Variants in RAP1A observed in about 807,000 individuals in gnomAD.
RAP1A encodes the protein ras-related protein Rap-1A.
A neutral mutation model predicts 26.4 loss-of-function variants in RAP1A; 6 were observed. The ratio of observed to expected loss-of-function variants is 0.23; its 90% confidence interval spans 0.12 to 0.45. The LOEUF is 0.45. RAP1A is among the 20% of genes least tolerant of loss of function. RAP1A has a pLI of 0.99. For missense variants in RAP1A, 121 were observed against 217.2 expected (o/e 0.56, Z 2.78); for synonymous variants, 73 against 79.4 (o/e 0.92, Z 0.43).
intron 1 of RAP1A, among the ~76,000 whole-genome samples, chr1:111,624,432 A>G (rs1314445568): frequency 6.6e-6 from 1 of 152,264 alleles, no homozygotes; most frequent in Non-Finnish European, 1.5e-5. Context: ...CTTTTGTAAT[A>G]GTGGTATAGA....
At position 111,626,011 on chromosome 1, in the gene RAP1A, T is replaced by G. The variant is rs140468661; in HGVS notation, c.-28+6077T>G. On this transcript the variant is annotated intron_variant, in intron 1 of 7. Transcript: ENST00000369709. ...TTTAAGTAACCCCAAATTAGGCTCTTTGATGGATACTGAGATGTGAAGGTG... is the reference window on the plus strand; with the variant it reads ...TTTAAGTAACCCCAAATTAGGCTCTGTGATGGATACTGAGATGTGAAGGTG... Among the ~76,000 whole-genome samples the G allele has an allele frequency of 5.3e-4, 81 of 152,276 alleles. 1 individual carries two copies. The East Asian group carries it at 0.014, about 26-fold the overall frequency.
intron 1 of RAP1A, among the ~76,000 whole-genome samples, chr1:111,670,351 G>C (rs537440): frequency 0.12 from 17,959 of 152,034 alleles, 1,391 homozygotes; most frequent in East Asian, 0.21. Context: ...GCATGCACCT[G>C]TAGTCCCAGC....
At chr1:111,683,521 GAATATAAACACCTCTATGCA>G (rs1661371427) in intron 1 of RAP1A, among the ~76,000 whole-genome samples, 1 of 152,030 alleles carries the variant, frequency 6.6e-6, no homozygotes, top group African/African-American at 2.4e-5. Flanking sequence ...TACCACCAGA[GAATATAAACACCTCTATGCA>G]AATAAACTAG....
At chr1:111,634,394 G>T (rs1219980022) in intron 1 of RAP1A, among the ~76,000 whole-genome samples, 1 of 151,632 alleles carries the variant, frequency 6.6e-6, no homozygotes, top group Non-Finnish European at 1.5e-5. Flanking sequence ...GATTACCAGT[G>T]TTTACATAGT....
intron 1 of RAP1A, among the ~76,000 whole-genome samples, chr1:111,600,636 C>T (rs566538570): frequency 7.9e-5 from 12 of 152,192 alleles, no homozygotes; most frequent in African/African-American, 1.9e-4. Flanking sequence ...TAGATGGCCC[C>T]GCACCACCAT....
At chr1:111,679,521 T>TC (rs201377121) in intron 1 of RAP1A, among the ~76,000 whole-genome samples, 18,978 of 151,992 alleles carry the variant, frequency 0.12, 1,489 homozygotes, top group South Asian at 0.17. Context: ...TCTTTTCTTT[T>TC]TTTTTGTACC....
chr1:111,689,555 C>G (rs1661604078), intron 1 of RAP1A, among the ~76,000 whole-genome samples: 2 of 151,970 alleles, frequency 1.3e-5, no homozygotes. Context: ...TTTTCTTCCT[C>G]ATTTTTTTCT....
intron 1 of RAP1A, among the ~76,000 whole-genome samples, chr1:111,588,106 G>A (rs571845680): frequency 6.4e-4 from 97 of 152,216 alleles, no homozygotes; most frequent in African/African-American, 2.2e-3. Flanking sequence ...TCCCCCATAA[G>A]CCTGCTTCTC....
At chr1:111,552,364 T>G (rs964072808) in intron 1 of RAP1A, among the ~76,000 whole-genome samples, 4 of 152,240 alleles carry the variant, frequency 2.6e-5, no homozygotes, top group African/African-American at 4.8e-5. Context: ...GTCACAAGTC[T>G]GTCCCTCCTA....
At chr1:111,696,982 T>G (rs1661852280) in intron 3 of RAP1A, among the ~76,000 whole-genome samples, 1 of 152,184 alleles carries the variant, frequency 6.6e-6, no homozygotes, top group Admixed American at 6.5e-5. Flanking sequence ...TTAGTAAAAT[T>G]TTAACAACTT....
intron 2 of RAP1A, among the ~76,000 whole-genome samples, chr1:111,693,166 G>C (rs1057100971): frequency 6.6e-6 from 1 of 152,262 alleles, no homozygotes; most frequent in African/African-American, 2.4e-5. Context: ...AAAGAGGAAA[G>C]AGATGATCAG....
intron 1 of RAP1A, among the ~76,000 whole-genome samples, chr1:111,627,035 C>T (rs1659422139): frequency 2.6e-5 from 4 of 152,038 alleles, no homozygotes; most frequent in South Asian, 2.1e-4. Flanking sequence ...ATTTCTTATT[C>T]CAAGTAATAT....
intron 1 of RAP1A, among the ~76,000 whole-genome samples, chr1:111,655,783 C>G (rs1214781732): frequency 6.7e-6 from 1 of 149,918 alleles, no homozygotes; most frequent in Non-Finnish European, 1.5e-5. Context: ...ACAGCATTCT[C>G]CCGCCTCAGC....
chr1:111,662,596 G>A (rs975955781), intron 1 of RAP1A, among the ~76,000 whole-genome samples: 4 of 152,084 alleles, frequency 2.6e-5, no homozygotes, highest in African/African-American at 9.7e-5. Context: ...AGAGAGATTT[G>A]ATGCTCTTAT....
chr1:111,623,587 T>A (rs11802134), intron 1 of RAP1A, among the ~76,000 whole-genome samples: 6,654 of 152,094 alleles, frequency 0.044, 288 homozygotes, highest in African/African-American at 0.11. Context: ...TTGTATTTTT[T>A]TTTAGTAGAG....
intron 1 of RAP1A, among the ~76,000 whole-genome samples, chr1:111,558,084 AAG>A (rs1657576048): frequency 6.6e-6 from 1 of 152,200 alleles, no homozygotes; most frequent in Non-Finnish European, 1.5e-5. Context: ...AAGAAATAGA[AAG>A]TGCACATTTA....
intron 1 of RAP1A, among the ~76,000 whole-genome samples, chr1:111,635,221 A>G (rs895430484): frequency 3.3e-5 from 5 of 151,936 alleles, no homozygotes; most frequent in African/African-American, 7.3e-5. Context: ...TGCCTTGGAA[A>G]CCTTTTGATT....
At chr1:111,643,820 A>G (rs1425942080) in intron 1 of RAP1A, among the ~76,000 whole-genome samples, 1 of 152,208 alleles carries the variant, frequency 6.6e-6, no homozygotes, top group Non-Finnish European at 1.5e-5. Flanking sequence ...TACCATACAC[A>G]CACATGCATA....
chr1:111,543,935 T>C (rs1656942069), intron 1 of RAP1A, among the ~76,000 whole-genome samples: 1 of 152,204 alleles, frequency 6.6e-6, no homozygotes, highest in African/African-American at 2.4e-5. Flanking sequence ...AGGAGGTATT[T>C]CATACTCCCA....
Sources: gnomAD v4.1 joint callset for allele counts (sites outside exome capture counted in the v4.1 genomes callset) on GRCh38, gnomAD v4.1.1 for gene constraint, MANE v1.5 for transcripts, NCBI Gene and HGNC (gene_info 2026-07-23, HGNC 2026-07-21) for gene names.